Variants in DRAXIN observed in about 807,000 individuals in gnomAD.
DRAXIN encodes dorsal repulsive axon guidance protein.
In DRAXIN, 27 loss-of-function variants were observed where a neutral mutation model predicts 33.9. The observed-to-expected ratio is 0.80, with a 90% confidence interval of 0.59 to 1.10. The LOEUF (loss-of-function observed/expected upper bound fraction) is 1.10. Among genes scored for constraint, DRAXIN ranks in the 50% least tolerant of loss-of-function variants. The probability of loss-of-function intolerance (pLI) is 0.00; values close to 1 mark genes in which losing one functional copy is unlikely to be tolerated. For missense variants in DRAXIN, 371 were observed against 460.8 expected (o/e 0.81, Z 1.78); for synonymous variants, 178 against 194.0 (o/e 0.92, Z 0.69).
chr1:11,715,793 G>A (rs555133331), intron 6 of DRAXIN, among the ~76,000 whole-genome samples: 112 of 152,314 alleles, frequency 7.4e-4, no homozygotes, highest in South Asian at 1.7e-3. Flanking sequence ...GATCCGCACT[G>A]TACAAATAAG....
rs375250629 is a variant in DRAXIN, at chr1:11,711,992, C to T, written c.757+27C>T. 70 of 1,593,544 alleles carry T rather than the reference C, an allele frequency of 4.4e-5. No homozygotes were observed. In the African/African-American group the frequency reaches 7.6e-4, roughly 17 times the overall value. On this transcript the variant is annotated intron_variant, in intron 4 of 6. Coordinates refer to ENST00000294485, the MANE Select transcript of DRAXIN (RefSeq NM_198545.4). ...TATGCCCACCTACCCCACTATCTTCCATGCCTGGGTGCCCTGCCCTCCCGC... is the reference window on the plus strand; with the variant it reads ...TATGCCCACCTACCCCACTATCTTCTATGCCTGGGTGCCCTGCCCTCCCGC...
upstream of DRAXIN, among the ~76,000 whole-genome samples, chr1:11,689,275 A>G (rs1226740197): frequency 6.9e-6 from 1 of 145,238 alleles, no homozygotes; most frequent in African/African-American, 2.6e-5. Flanking sequence ...CCTGGGCAAC[A>G]AAGTGAGACT....
intron 4 of DRAXIN, 72 bp downstream of exon 4, chr1:11,712,037 G>A (rs560119423): frequency 2.1e-5 from 29 of 1,368,810 alleles, no homozygotes; most frequent in Non-Finnish European, 3.0e-5. Context: ...TGAGGTGGGG[G>A]CCCCAGTGAG....
Position 11,694,645 on chromosome 1 carries a change from TC to T in DRAXIN, c.-11+2794del. Among the ~76,000 whole-genome samples the T allele has an allele frequency of 6.6e-6, 1 of 151,992 alleles. No individual in the cohort carries two copies. The highest frequency in any genetic ancestry group is 2.4e-5 in the African/African-American group (1 of 41,380). ...ACTTCCCTCAGAGGCATGAGCATGTTCCTGGGGGGCAGGTCATAGGAGCACC... is the reference window on the plus strand; with the variant it reads ...ACTTCCCTCAGAGGCATGAGCATGTTCTGGGGGGCAGGTCATAGGAGCACC... On this transcript the variant is annotated intron_variant, in intron 1 of 6. Coordinates refer to ENST00000294485, the MANE Select transcript of DRAXIN (RefSeq NM_198545.4). This position sits in a 1 kb window ranked among gnomAD's most constrained non-coding sequence, Gnocchi z 4.9.
At chr1:11,701,305 G>A (rs940116996) in intron 1 of DRAXIN, among the ~76,000 whole-genome samples, 1 of 152,192 alleles carries the variant, frequency 6.6e-6, no homozygotes, top group Non-Finnish European at 1.5e-5. Context: ...GCCTTGAGAT[G>A]GGCTTTGCCA....
chr1:11,691,537 C>G (rs1049443624), upstream of DRAXIN: 2 of 151,898 alleles, frequency 1.3e-5, no homozygotes, highest in African/African-American at 4.8e-5. Context: ...GGGAGCTGGC[C>G]CAGAACTCAG....
rs1641362353 is a variant in DRAXIN, at chr1:11,705,342, CCT to C, written c.-10-906_-10-905del. 6.6e-6 allele frequency among the ~76,000 whole-genome samples: 1 copy of C among 152,046 alleles called. No homozygotes were observed. The highest frequency in any genetic ancestry group is 1.5e-5 in the Non-Finnish European group (1 of 68,000). ...AGTCTGACAGACGCCCCCACCATCCCCTGAGCTGCAGCTTCTCCCTCCAGTGT... is the reference window on the plus strand; with the variant it reads ...AGTCTGACAGACGCCCCCACCATCCCGAGCTGCAGCTTCTCCCTCCAGTGT... On this transcript the variant is annotated intron_variant, in intron 1 of 6. Coordinates refer to ENST00000294485, the MANE Select transcript of DRAXIN (RefSeq NM_198545.4). This position sits in a 1 kb window ranked among gnomAD's most constrained non-coding sequence, Gnocchi z 4.8.
At chr1:11,717,295 AAAGT>A (rs1313885958) in intron 6 of DRAXIN, among the ~76,000 whole-genome samples, 1 of 151,842 alleles carries the variant, frequency 6.6e-6, no homozygotes, top group Non-Finnish European at 1.5e-5. Flanking sequence ...AAAGAAAAAA[AAAGT>A]AAGTAATAAG....
At chr1:11,711,640 A>C (rs1168225466) in intron 3 of DRAXIN, among the ~76,000 whole-genome samples, 1 of 152,164 alleles carries the variant, frequency 6.6e-6, no homozygotes, top group African/African-American at 2.4e-5. Context: ...TTCTTGAGTA[A>C]TGGCTGCACA....
chr1:11,716,660 T>G (rs1641582373), intron 6 of DRAXIN, among the ~76,000 whole-genome samples: 1 of 152,182 alleles, frequency 6.6e-6, no homozygotes, highest in South Asian at 2.1e-4. Flanking sequence ...TTTAAAATTG[T>G]GGACTTTTAA....
At chr1:11,712,501 C>T in intron 5 of DRAXIN, 72 bp downstream of exon 5, 8 of 1,488,374 alleles carry the variant, frequency 5.4e-6, no homozygotes, top group Non-Finnish European at 7.5e-6. Context: ...AGTGGGGGTT[C>T]CCACATGTGC....
rs1415046411 is a variant in DRAXIN at position 11,724,074 on chromosome 1, T to C, written c.*4378T>C. The C allele has an allele frequency of 1.3e-5, 2 of 152,234 alleles. No individual in the cohort carries two copies. Among genetic ancestry groups the C allele is most frequent in the African/African-American group, 2.4e-5 (1 of 41,468 alleles). 9.4% of individuals were successfully genotyped at this position (152,234 alleles called of 1,614,324 possible). A position where few individuals can be genotyped will look rare whatever the true frequency, so the allele number is the denominator to read the frequency against. On this transcript the variant is annotated 3_prime_UTR_variant, in exon 7 of 7. Transcript: ENST00000294485. ...AGCTCCTTCCCCAAAGTGTGTTCCA[T>C]AGAACACTGGGACCATGAGATGCTC...
chr1:11,701,036 G>A (rs1004478912), intron 1 of DRAXIN, among the ~76,000 whole-genome samples: 3 of 152,180 alleles, frequency 2.0e-5, no homozygotes, highest in African/African-American at 7.2e-5. Context: ...CATCGCCTTC[G>A]TTTGCATACG....
intron 1 of DRAXIN, among the ~76,000 whole-genome samples, chr1:11,693,334 C>A (rs560421717): frequency 1.5e-4 from 23 of 152,154 alleles, no homozygotes; most frequent in African/African-American, 5.5e-4. Flanking sequence ...CCTTTAATAG[C>A]GGCACCAGCT....
At chr1:11,686,820 A>C (rs542409238), upstream of DRAXIN, among the ~76,000 whole-genome samples, 4,439 of 151,636 alleles carry the variant, frequency 0.029, 225 homozygotes, top group African/African-American at 0.1. Flanking sequence ...AAAAAAAAAA[A>C]AAAAAAAAAA....
rs2100747922 is a variant in DRAXIN at position 11,723,155 on chromosome 1, A to C, written c.*3459A>C. 6.6e-6 allele frequency: 1 copy of C among 152,244 alleles called. No individual in the cohort carries two copies. Among genetic ancestry groups the C allele is most frequent in the South Asian group, 2.1e-4 (1 of 4,822 alleles). 9.4% of individuals were successfully genotyped at this position (152,244 alleles called of 1,614,324 possible). A position where few individuals can be genotyped will look rare whatever the true frequency, so the allele number is the denominator to read the frequency against. On this transcript the variant is annotated 3_prime_UTR_variant, in exon 7 of 7. Transcript: ENST00000294485. ...AAATATTATTAGTTTAATTTTCTAA[A>C]ACCATTTAAAAGTGCAAAAACTGCT...
Position 11,722,602 on chromosome 1 carries a change from T to C in DRAXIN, c.*2906T>C, listed in dbSNP as rs1641672592. 1 of 152,544 alleles carries C rather than the reference T, an allele frequency of 6.6e-6. No homozygotes were observed. The highest frequency in any genetic ancestry group is 6.6e-5 in the Admixed American group (1 of 15,264). The allele number at this position is 152,544 out of a possible 1,614,324, so 9.4% of individuals were successfully genotyped here. Reference sequence around the variant, plus strand: ...TTATTTTGCTCATACAGAAGCCAGTTTCCTCTAATCCAGGGTTTAGCAAAC... The same window carrying C: ...TTATTTTGCTCATACAGAAGCCAGTCTCCTCTAATCCAGGGTTTAGCAAAC... On this transcript the variant is annotated 3_prime_UTR_variant, in exon 7 of 7. Coordinates refer to ENST00000294485, the MANE Select transcript of DRAXIN (RefSeq NM_198545.4).
In DRAXIN at chr1:11,694,013, C is replaced by T. The variant is rs980999595; in HGVS notation, c.-11+2160C>T. On this transcript the variant is annotated intron_variant, in intron 1 of 6. Transcript: ENST00000294485. This position sits in a 1 kb window ranked among gnomAD's most constrained non-coding sequence, Gnocchi z 4.9. ...GAGCTTTTGCTAGGGCTCTTTCTGC[C>T]CTGCCCTGTGTTTGATCTCAGCCCT... Among the ~76,000 whole-genome samples the T allele has an allele frequency of 9.9e-5, 15 of 152,266 alleles. No individual in the cohort carries two copies. The highest frequency in any genetic ancestry group is 3.3e-4 in the Admixed American group (5 of 15,290).
In DRAXIN at chr1:11,715,109, G is replaced by T. The variant is rs779578122; in HGVS notation, c.848-10G>T. On this transcript the variant is annotated splice_polypyrimidine_tract_variant and intron_variant, in intron 5 of 6. Transcript: ENST00000294485. ...GCTTGGCTGACTGCGTGTGCTCTCT[G>T]TGTTGGCAGGGACTTGCTGCGACCT... 1.2e-6 allele frequency: 2 copies of T among 1,614,218 alleles called. No individual in the cohort carries two copies. Among genetic ancestry groups the T allele is most frequent in the Non-Finnish European group, 1.7e-6 (2 of 1,180,044 alleles).
Sources: gnomAD v4.1 joint callset for allele counts (sites outside exome capture counted in the v4.1 genomes callset) on GRCh38, gnomAD v4.1.1 for gene constraint, Gnocchi (gnomAD v3.1) non-coding constraint, MANE v1.5 for transcripts, NCBI Gene and HGNC (gene_info 2026-07-23, HGNC 2026-07-21) for gene names.